The following CRTAM variants were observed in gnomAD, a reference collection of about 807,000 sequenced individuals.
CRTAM encodes cytotoxic and regulatory T cell molecule.
Under a neutral mutation model 50.0 loss-of-function variants are expected in CRTAM, and 44 were observed. The ratio of observed to expected loss-of-function variants is 0.88; its 90% CI spans 0.69 to 1.13. The LOEUF (loss-of-function observed/expected upper bound fraction) is 1.13. CRTAM is among the 50% of genes most tolerant of loss of function. The pLI is 0.00. For synonymous variants in CRTAM, 159 were observed against 169.3 expected (o/e 0.94, Z 0.47); for missense variants, 448 against 457.5 (o/e 0.98, Z 0.19).
At chr11:122,860,562 C>T (rs978639546) in intron 5 of CRTAM, among the ~76,000 whole-genome samples, 4 of 152,028 alleles carry the variant, frequency 2.6e-5, no homozygotes, top group Non-Finnish European at 5.9e-5. Flanking sequence ...AAAGTAAATA[C>T]AGAGTCTAGT....
At chr11:122,863,623 C>T (rs1007174729) in intron 6 of CRTAM, among the ~76,000 whole-genome samples, 3 of 152,006 alleles carry the variant, frequency 2.0e-5, no homozygotes, top group Admixed American at 6.6e-5. Flanking sequence ...ATAAATACAA[C>T]ATGTACCATA....
chr11:122,841,889 C>A (rs1341669366), intron 1 of CRTAM, among the ~76,000 whole-genome samples: 1 of 152,046 alleles, frequency 6.6e-6, no homozygotes. Flanking sequence ...CTTTGGGAAA[C>A]TAGGGGAAAG....
At chr11:122,861,361 T>TATATAC (rs1491218105) in intron 5 of CRTAM, among the ~76,000 whole-genome samples, 21 of 94,182 alleles carry the variant, frequency 2.2e-4, no homozygotes, top group South Asian at 8.1e-4. Flanking sequence ...TATATATATA[T>TATATAC]ACACACACAC....
intron 5 of CRTAM, among the ~76,000 whole-genome samples, chr11:122,859,995 G>A (rs1862051951): frequency 6.6e-6 from 1 of 152,198 alleles, no homozygotes; most frequent in African/African-American, 2.4e-5. Context: ...ACTCACAGTG[G>A]TGGATACAAG....
intron 3 of CRTAM, among the ~76,000 whole-genome samples, chr11:122,853,630 G>T (rs1348760861): frequency 6.6e-6 from 1 of 151,632 alleles, no homozygotes; most frequent in Non-Finnish European, 1.5e-5. Flanking sequence ...AGACCAGCTT[G>T]GCCACAGAGA....
chr11:122,842,615 AGAT>A (rs1050112175), intron 1 of CRTAM, among the ~76,000 whole-genome samples: 1 of 152,234 alleles, frequency 6.6e-6, no homozygotes, highest in Non-Finnish European at 1.5e-5. Flanking sequence ...TCCTAGAACC[AGAT>A]GATGATGATG....
intron 1 of CRTAM, among the ~76,000 whole-genome samples, chr11:122,840,315 G>A (rs556448345): frequency 7.2e-5 from 11 of 152,228 alleles, no homozygotes; most frequent in African/African-American, 1.2e-4. Context: ...GATGAGAAAA[G>A]AAGTTATGTA....
chr11:122,855,152 C>T (rs188091103), intron 4 of CRTAM, among the ~76,000 whole-genome samples: 15 of 152,280 alleles, frequency 9.9e-5, no homozygotes, highest in African/African-American at 3.6e-4. Flanking sequence ...CCATGTTGGC[C>T]AGGCTGGTCT....
chr11:122,869,532 G>C (rs965337404), intron 9 of CRTAM, among the ~76,000 whole-genome samples: 44 of 152,256 alleles, frequency 2.9e-4, no homozygotes, highest in African/African-American at 9.6e-4. Flanking sequence ...TGGAGGTTGG[G>C]GATTGTATTC....
Position 122,872,184 on chromosome 11 carries a change from C to G in CRTAM, c.*785C>G, listed in dbSNP as rs976048212. ...ACAGACTTTTAAGATGTAACCAGCA[C>G]AAAGCAATGTCAGGGAGGAGTGATA... On this transcript the variant is annotated 3_prime_UTR_variant, in exon 10 of 10. Transcript: ENST00000227348. The G allele has an allele frequency of 6.6e-6, 1 of 152,144 alleles. No individual in the cohort carries two copies. Among genetic ancestry groups the G allele is most frequent in the Non-Finnish European group, 1.5e-5 (1 of 68,060 alleles). The allele number at this position is 152,144 out of a possible 1,614,324, so 9.4% of individuals were successfully genotyped here. A position where few individuals can be genotyped will look rare whatever the true frequency, so the allele number is the denominator to read the frequency against.
intron 1 of CRTAM, among the ~76,000 whole-genome samples, chr11:122,840,753 C>T (rs1458334770): frequency 6.6e-6 from 1 of 151,878 alleles, no homozygotes; most frequent in Non-Finnish European, 1.5e-5. Flanking sequence ...ATGGGAAGAT[C>T]ACTGTGACTA....
Position 122,851,728 on chromosome 11 carries a change from T to G in CRTAM, c.229T>G (p.Ser77Ala), listed in dbSNP as rs772994695. ...KNSKYQLLHH[S>A]ANQLSITVPN... Reference sequence around the variant, plus strand: ...TTCCAAATACCAGCTTCTTCATCACTCGGCCAATCAGCTCTCCATCACTGT... The same window carrying G: ...TTCCAAATACCAGCTTCTTCATCACGCGGCCAATCAGCTCTCCATCACTGT... Residue 77 changes from serine (S) to alanine (A), a missense_variant, in exon 3 of 10, where the codon TCG becomes GCG. Ser to Ala is a moderately conservative substitution (Grantham distance 99). Transcript: ENST00000227348. 6.2e-7 allele frequency: 1 copy of G among 1,614,146 alleles called. No homozygotes were observed. The highest frequency in any genetic ancestry group is 1.1e-5 in the South Asian group (1 of 91,078).
Position 122,862,506 on chromosome 11 carries a change from C to T in CRTAM, c.695C>T (p.Ser232Phe). ...ETASDALERN[S>F]LSSQDPQQPT... is the part of the protein sequence containing the mutation. ...GCTTCAGATGCTCTGGAGAGAAACTCTCTATCCTCTCAAGACCCACAGCAG... is the reference window on the plus strand; with the variant it reads ...GCTTCAGATGCTCTGGAGAGAAACTTTCTATCCTCTCAAGACCCACAGCAG... The change falls in exon 6 of 10, where the codon TCT (serine) becomes TTT (phenylalanine). Residue 232 changes from serine (S) to phenylalanine (F), a missense_variant. Transcript: ENST00000227348. 2 of 1,613,108 alleles carry T rather than the reference C, an allele frequency of 1.2e-6. No individual in the cohort carries two copies. Among genetic ancestry groups the T allele is most frequent in the Non-Finnish European group, 1.7e-6 (2 of 1,179,052 alleles).
At position 122,862,486 on chromosome 11, in the gene CRTAM, A is replaced by G; in HGVS notation, c.675A>G (p.Ser225=). The change falls in exon 6 of 10, where the codon TCA becomes TCG. Residue 225 remains serine, a synonymous_variant. Transcript: ENST00000227348. ...TAGTTACTGATGAAGAGACAGCTTC[A>G]GATGCTCTGGAGAGAAACTCTCTAT... ...EDLVTDEETA[S]DALERNSLSS... The G allele has an allele frequency of 6.2e-7, 1 of 1,612,972 alleles. No individual in the cohort carries two copies. Among genetic ancestry groups the G allele is most frequent in the Non-Finnish European group, 8.5e-7 (1 of 1,178,880 alleles).
intron 1 of CRTAM, among the ~76,000 whole-genome samples, chr11:122,848,049 C>A (rs1348438373): frequency 6.6e-6 from 1 of 152,208 alleles, no homozygotes; most frequent in Admixed American, 6.5e-5. Flanking sequence ...TACACTGCAA[C>A]TGTGGGCTTT....
chr11:122,842,392 C>T (rs747424172), intron 1 of CRTAM, among the ~76,000 whole-genome samples: 6 of 152,210 alleles, frequency 3.9e-5, no homozygotes, highest in Non-Finnish European at 8.8e-5. Flanking sequence ...ATTCTCCTGC[C>T]TCAGCCTCCA....
intron 1 of CRTAM, among the ~76,000 whole-genome samples, chr11:122,841,416 T>C (rs1310260245): frequency 6.6e-6 from 1 of 151,660 alleles, no homozygotes; most frequent in African/African-American, 2.4e-5. Context: ...TTTTTTTTTT[T>C]TTGAGACAGA....
At position 122,867,390 on chromosome 11, in the gene CRTAM, T is replaced by C; in HGVS notation, c.818-19T>C. The C allele has an allele frequency of 6.3e-7, 1 of 1,598,662 alleles. No individual in the cohort carries two copies. Among genetic ancestry groups the C allele is most frequent in the Non-Finnish European group, 8.5e-7 (1 of 1,175,332 alleles). On this transcript the variant is annotated intron_variant, in intron 7 of 9. Transcript: ENST00000227348. The stretch of plus-strand genomic sequence containing the variant: ...AAAAAACCCAAAGTATCTAAACTCC[T>C]TTTTCATTTTCCTTATAGAAGCAAA...
chr11:122,865,024 C>CT (rs998286617), intron 7 of CRTAM, among the ~76,000 whole-genome samples: 8 of 151,736 alleles, frequency 5.3e-5, no homozygotes, highest in Non-Finnish European at 8.8e-5. Context: ...TTGTTCTTCC[C>CT]TTTTTTTTAT....
Sources: gnomAD v4.1 joint callset for allele counts (sites outside exome capture counted in the v4.1 genomes callset) on GRCh38, gnomAD v4.1.1 for gene constraint, MANE v1.5 for transcripts, NCBI Gene and HGNC (gene_info 2026-07-23, HGNC 2026-07-21) for gene names.